PRKAA1: variants seen among roughly 807,000 people sequenced by gnomAD.
PRKAA1 encodes the protein 5'-AMP-activated protein kinase catalytic subunit alpha-1.
In PRKAA1, 23 loss-of-function variants were observed where a neutral mutation model predicts 56.9. That is an observed-to-expected ratio of 0.40 (90% CI 0.29 to 0.57). The LOEUF (loss-of-function observed/expected upper bound fraction) is 0.57, where lower values mean the gene tolerates loss of function less well. Ranked by LOEUF, PRKAA1 falls within the 20% of genes least tolerant of loss-of-function variation. The pLI is 0.39. For synonymous variants in PRKAA1, 226 were observed against 227.0 expected (o/e 1.00, Z 0.04); for missense variants, 413 against 679.7 (o/e 0.61, Z 4.36).
chr5:40,768,510 AT>A, intron 5 of PRKAA1: 1 of 947,660 alleles, frequency 1.1e-6, no homozygotes, highest in Non-Finnish European at 1.3e-6. Flanking sequence ...TTTTTAAATA[AT>A]TTTTGACATT....
chr5:40,787,108 G>C (rs1744523551), intron 1 of PRKAA1, among the ~76,000 whole-genome samples: 1 of 151,948 alleles, frequency 6.6e-6, no homozygotes, highest in Non-Finnish European at 1.5e-5. Flanking sequence ...CACTAATACT[G>C]TAATGGTGGT....
chr5:40,793,172 C>A (rs567355678), intron 1 of PRKAA1, among the ~76,000 whole-genome samples: 2 of 152,156 alleles, frequency 1.3e-5, no homozygotes, highest in South Asian at 4.2e-4. Flanking sequence ...ACCAAAGAGA[C>A]CATCTTCTCT....
intron 6 of PRKAA1, among the ~76,000 whole-genome samples, chr5:40,766,769 CA>C (rs1368861558): frequency 3.9e-5 from 6 of 152,036 alleles, no homozygotes; most frequent in South Asian, 4.2e-4. Context: ...GGGAAAGGCA[CA>C]AGGATCACTT....
rs1292756454 is a variant in PRKAA1, at chr5:40,767,651, C to G, written c.636G>C (p.Gly212=). ...AGPEVDIWSS[G]VILYALLCGT... is the part of the protein sequence containing the mutation. ...CACATAATAAAGCATAGAGAATAAC[C>G]CCACTGCTCCATATATCTACCTCTG... The change falls in exon 6 of 9, where the codon GGG becomes GGC. Residue 212 remains glycine, a synonymous_variant. Transcript: ENST00000397128. 4 of 1,613,216 alleles carry G rather than the reference C, an allele frequency of 2.5e-6. No individual in the cohort carries two copies. Among genetic ancestry groups the G allele is most frequent in the Non-Finnish European group, 3.4e-6 (4 of 1,179,308 alleles).
In PRKAA1 at chr5:40,763,028, TA is replaced by T; in HGVS notation, c.1436-7del. On this transcript the variant is annotated splice_region_variant and splice_polypyrimidine_tract_variant and intron_variant, in intron 8 of 8. Coordinates refer to ENST00000397128, the MANE Select transcript of PRKAA1 (RefSeq NM_006251.6). ...TTTGGCTTCTGTAATTTCATCTGGG[TA>T]AAAAGAATTTCAATTTATTATAGTC... The T allele has an allele frequency of 1.9e-6, 3 of 1,613,272 alleles. No homozygotes were observed. The highest frequency in any genetic ancestry group is 2.5e-6 in the Non-Finnish European group (3 of 1,179,384).
chr5:40,770,277 A>G (rs1177824689), intron 4 of PRKAA1, among the ~76,000 whole-genome samples: 1 of 152,128 alleles, frequency 6.6e-6, no homozygotes, highest in Non-Finnish European at 1.5e-5. Context: ...GGCCTGGCCA[A>G]CATAGTGATT....
At chr5:40,772,719 G>A (rs531553100) in intron 3 of PRKAA1, among the ~76,000 whole-genome samples, 18 of 151,928 alleles carry the variant, frequency 1.2e-4, no homozygotes, top group South Asian at 2.1e-4. Context: ...CTGCAGCCTC[G>A]GCTTCCCTGG....
Position 40,798,221 on chromosome 5 carries a change from A to T in PRKAA1, c.-32T>A. 1 of 93,802 alleles carries T rather than the reference A, an allele frequency of 1.1e-5. No homozygotes were observed. The highest frequency in any genetic ancestry group is 2.1e-5 in the Non-Finnish European group (1 of 47,662). 5.8% of individuals were successfully genotyped at this position (93,802 alleles called of 1,614,324 possible). A position where few individuals can be genotyped will look rare whatever the true frequency, so the allele number is the denominator to read the frequency against. On this transcript the variant is annotated 5_prime_UTR_variant, in exon 1 of 9. Transcript: ENST00000397128. ...GCGGGAGGGGGCGGAGGGGGCGGGC[A>T]GGGCCGCGCCGGGGGCGGGCGGGGA... is the stretch of plus-strand genomic sequence containing the variant.
At chr5:40,794,536 G>C (rs566570492) in intron 1 of PRKAA1, among the ~76,000 whole-genome samples, 1 of 63,764 alleles carries the variant, frequency 1.6e-5, no homozygotes, top group South Asian at 5.1e-4. Context: ...TTTGCTTTTG[G>C]GTTCTTAGTC....
chr5:40,790,525 C>CTTTTTT (rs1554033592), intron 1 of PRKAA1, among the ~76,000 whole-genome samples: 3 of 112,026 alleles, frequency 2.7e-5, no homozygotes, highest in Non-Finnish European at 1.8e-5. Flanking sequence ...TCAACTCTTT[C>CTTTTTT]TTTTTTTTTT....
chr5:40,798,057 T>A lies in PRKAA1; in HGVS notation c.127+6A>T, dbSNP rs749078816. On this transcript the variant is annotated splice_donor_region_variant and intron_variant, in intron 1 of 8. Coordinates refer to ENST00000397128, the MANE Select transcript of PRKAA1 (RefSeq NM_006251.6). ...GGGGCCAAGCCTAGTCCCGCGGGGT[T>A]CTCACCCTTCACTTTGCCGAAGGTG... is the stretch of plus-strand genomic sequence containing the variant. 1 of 1,607,836 alleles carries A rather than the reference T, an allele frequency of 6.2e-7. No individual in the cohort carries two copies. Among genetic ancestry groups the A allele is most frequent in the South Asian group, 1.1e-5 (1 of 90,948 alleles).
intron 2 of PRKAA1, 78 bp downstream of exon 2, chr5:40,777,344 CAAAAAGAAGTGTCAGTCATTTTT>C: frequency 7.4e-7 from 1 of 1,342,826 alleles, no homozygotes; most frequent in Admixed American, 2.2e-5. Flanking sequence ...CCTTAGGAAA[CAAAAAGAAGTGTCAGTCATTTTT>C]CTCACTTGTC....
At chr5:40,790,321 C>T (rs1047249046) in intron 1 of PRKAA1, 1 of 152,204 alleles carries the variant, frequency 6.6e-6, no homozygotes, top group Non-Finnish European at 1.5e-5. Flanking sequence ...TTAAATGGAA[C>T]ACATGTACAT....
At chr5:40,797,959 T>A (rs1442601043) in intron 1 of PRKAA1, 104 bp downstream of exon 1, 1 of 1,446,872 alleles carries the variant, frequency 6.9e-7, no homozygotes, top group Non-Finnish European at 9.3e-7. Context: ...TGCCCAGCCC[T>A]GGAAAGAAGG....
In PRKAA1 at chr5:40,764,532, C is replaced by G; in HGVS notation, c.1417G>C (p.Asp473His). 6.2e-7 allele frequency: 1 copy of G among 1,611,728 alleles called. No individual in the cohort carries two copies. Among genetic ancestry groups the G allele is most frequent in the African/African-American group, 1.3e-5 (1 of 74,976 alleles). The change falls in exon 8 of 9, where the codon GAT (aspartate) becomes CAT (histidine). Residue 473 changes from aspartate (D) to histidine (H), a missense_variant. Physicochemically the swap from Asp to His is moderately conservative, Grantham distance 81. Coordinates refer to ENST00000397128, the MANE Select transcript of PRKAA1 (RefSeq NM_006251.6). The part of the protein sequence containing the change: ...YQVDSRTYLL[D>H]FRSIDDEITE... ...TACATACCATCAATACTACGGAAATCCAGTAGATAAGTTCTACTATCCACT... is the reference window on the plus strand; with the variant it reads ...TACATACCATCAATACTACGGAAATGCAGTAGATAAGTTCTACTATCCACT...
At chr5:40,772,950 A>G (rs1198230792) in intron 3 of PRKAA1, among the ~76,000 whole-genome samples, 1 of 152,080 alleles carries the variant, frequency 6.6e-6, no homozygotes, top group East Asian at 1.9e-4. Flanking sequence ...TTTTTTTTAA[A>G]CTTCTCTATG....
Position 40,764,026 on chromosome 5 carries a change from C to T in PRKAA1, c.1435+488G>A, listed in dbSNP as rs116039097. On this transcript the variant is annotated intron_variant, in intron 8 of 8. Coordinates refer to ENST00000397128, the MANE Select transcript of PRKAA1 (RefSeq NM_006251.6). The stretch of plus-strand genomic sequence containing the variant: ...CTGGGCTCAAGCCATCCTCCCACCT[C>T]AGCCTCCCAAAGTGCTGGGCTGTTT... 7.7e-3 allele frequency among the ~76,000 whole-genome samples: 1,170 copies of T among 152,290 alleles called. 10 individuals carry two copies. The highest frequency in any genetic ancestry group is 0.025 in the African/African-American group (1,055 of 41,550).
intron 1 of PRKAA1, among the ~76,000 whole-genome samples, chr5:40,783,834 T>C (rs192893460): frequency 6.6e-6 from 1 of 152,076 alleles, no homozygotes; most frequent in African/African-American, 2.4e-5. Context: ...GGAAGTAGAG[T>C]TGAATAGGGT....
At chr5:40,797,510 A>G (rs1364283054) in intron 1 of PRKAA1, among the ~76,000 whole-genome samples, 1 of 152,252 alleles carries the variant, frequency 6.6e-6, no homozygotes, top group Non-Finnish European at 1.5e-5. Flanking sequence ...GGTCTTTAAA[A>G]AAAATGATGT....
Sources: allele counts gnomAD v4.1 joint callset (sites outside exome capture counted in the v4.1 genomes callset), GRCh38; gene constraint gnomAD v4.1.1; transcripts MANE v1.5; gene names NCBI Gene and HGNC (gene_info 2026-07-23, HGNC 2026-07-21).